CMTM7: variants seen among roughly 807,000 people sequenced by gnomAD.
CMTM7 encodes CKLF like MARVEL transmembrane domain containing 7.
In CMTM7, 7 loss-of-function variants were observed where a neutral mutation model predicts 19.3. The ratio of observed to expected loss-of-function variants is 0.36; its 90% CI spans 0.21 to 0.68. The LOEUF (loss-of-function observed/expected upper bound fraction) is 0.68, where lower values mean the gene tolerates loss of function less well. Among genes scored for constraint, CMTM7 ranks in the 30% least tolerant of loss-of-function variants. The probability of loss-of-function intolerance (pLI) is 0.60; values close to 1 mark genes in which losing one functional copy is unlikely to be tolerated. For missense variants in CMTM7, 193 were observed against 232.6 expected (o/e 0.83, Z 1.11); for synonymous variants, 87 against 99.3 (o/e 0.88, Z 0.74).
At chr3:32,453,112 G>A (rs1272926626) in intron 4 of CMTM7, among the ~76,000 whole-genome samples, 1 of 151,188 alleles carries the variant, frequency 6.6e-6, no homozygotes, top group East Asian at 1.9e-4. Flanking sequence ...TAAAATGTAG[G>A]TTTTTAGAAA....
At chr3:32,439,788 T>C (rs1435413953) in intron 1 of CMTM7, among the ~76,000 whole-genome samples, 1 of 152,210 alleles carries the variant, frequency 6.6e-6, no homozygotes, top group African/African-American at 2.4e-5. Context: ...TAATTCTCAT[T>C]GTAGACTGAC....
At chr3:32,442,498 CAAAAAAAAAAAAAAAAA>C (rs59568281) in intron 2 of CMTM7, among the ~76,000 whole-genome samples, 1 of 80,048 alleles carries the variant, frequency 1.2e-5, no homozygotes, top group African/African-American at 4.9e-5. Flanking sequence ...AGACTCCTCT[CAAAAAAAAAAAAAAAAA>C]AAAAAAAAAA....
intron 1 of CMTM7, among the ~76,000 whole-genome samples, chr3:32,398,255 T>G (rs1164423600): frequency 6.6e-6 from 1 of 152,246 alleles, no homozygotes; most frequent in East Asian, 1.9e-4. Context: ...ATTAACAGGA[T>G]AGACTCTTTC....
Position 32,454,813 on chromosome 3 carries a change from T to C in CMTM7, c.*559T>C. 4.6e-6 allele frequency: 1 copy of C among 217,410 alleles called. No homozygotes were observed. The allele number at this position is 217,410 out of a possible 1,614,324, so 13.5% of individuals were successfully genotyped here. A position where few individuals can be genotyped will look rare whatever the true frequency, so the allele number is the denominator to read the frequency against. ...TACCAGTGTGCATGTGTTTGTGTGT[T>C]TTTTAATAAAATATTGACTCGGCCA... On this transcript the variant is annotated 3_prime_UTR_variant, in exon 5 of 5. Coordinates refer to ENST00000334983, the MANE Select transcript of CMTM7 (RefSeq NM_138410.4).
chr3:32,408,341 A>C (rs1696119016), intron 1 of CMTM7, among the ~76,000 whole-genome samples: 1 of 152,230 alleles, frequency 6.6e-6, no homozygotes. Flanking sequence ...AGATGCTAAA[A>C]ATCTTCAACA....
intron 1 of CMTM7, among the ~76,000 whole-genome samples, chr3:32,406,261 G>A (rs973189608): frequency 2.6e-5 from 4 of 152,228 alleles, no homozygotes; most frequent in Admixed American, 6.5e-5. Flanking sequence ...ACTGACAGCC[G>A]TTTAGGGTAT....
chr3:32,392,131 G>A (rs1477260737), intron 1 of CMTM7, 66 bp downstream of exon 1: 1 of 1,167,974 alleles, frequency 8.6e-7, no homozygotes, highest in Non-Finnish European at 1.1e-6. Flanking sequence ...GGGTCCGGGA[G>A]CGGACGCGCC....
Position 32,410,605 on chromosome 3 carries a change from C to T in CMTM7, c.159+18540C>T, listed in dbSNP as rs528412241. ...GGGCACATATCTTCAAGCCTGCGGG[C>T]CAAGAAGCTGGGAAAAGTCACAGAG... On this transcript the variant is annotated intron_variant, in intron 1 of 4. Transcript: ENST00000334983. 3.3e-5 allele frequency among the ~76,000 whole-genome samples: 5 copies of T among 151,622 alleles called. No homozygotes were observed. In the East Asian group the frequency reaches 7.7e-4, roughly 23 times the overall value.
rs150663414 is a variant in CMTM7 at position 32,431,675 on chromosome 3, T to A, written c.160-10165T>A. 4.3e-3 allele frequency among the ~76,000 whole-genome samples: 657 copies of A among 152,270 alleles called. 2 individuals carry two copies. Among genetic ancestry groups the A allele is most frequent in the Non-Finnish European group, 6.4e-3 (437 of 68,008 alleles). ...TGCAGCCTGCAATGGAGCAGCATAG[T>A]GGTTAGGAACAAGGACTCTGCAGCT... On this transcript the variant is annotated intron_variant, in intron 1 of 4. Transcript: ENST00000334983.
rs13091428 is a variant in CMTM7 at position 32,401,701 on chromosome 3, C to T, written c.159+9636C>T. Among the ~76,000 whole-genome samples the T allele has an allele frequency of 6.8e-3, 1,043 of 152,376 alleles. 9 individuals are homozygous for T. Among genetic ancestry groups the T allele is most frequent in the Middle Eastern group, 0.02 (6 of 294 alleles). On this transcript the variant is annotated intron_variant, in intron 1 of 4. Coordinates refer to ENST00000334983, the MANE Select transcript of CMTM7 (RefSeq NM_138410.4). The stretch of plus-strand genomic sequence containing the variant: ...GTGCGGCCCTGGAAGCCTGGCTCGG[C>T]CGCCGCCCGCGCACGCTGGCCTTCT...
At chr3:32,397,204 T>C (rs2125617483) in intron 1 of CMTM7, among the ~76,000 whole-genome samples, 1 of 152,294 alleles carries the variant, frequency 6.6e-6, no homozygotes, top group East Asian at 1.9e-4. Context: ...CCATTGCAAA[T>C]ACAATGCTTG....
At chr3:32,411,397 C>A (rs1033645524) in intron 1 of CMTM7, among the ~76,000 whole-genome samples, 1 of 151,758 alleles carries the variant, frequency 6.6e-6, no homozygotes, top group Non-Finnish European at 1.5e-5. Context: ...TTAAGATATC[C>A]CTAAAATTTT....
Position 32,454,337 on chromosome 3 carries a change from C to T in CMTM7, c.*83C>T, listed in dbSNP as rs1442876575. ...AGGCGAGGCCTCTGGACCTGTGTTCCTGTGCCAAAGTCCTGTCAGGCTGGT... is the reference window on the plus strand; with the variant it reads ...AGGCGAGGCCTCTGGACCTGTGTTCTTGTGCCAAAGTCCTGTCAGGCTGGT... On this transcript the variant is annotated 3_prime_UTR_variant, in exon 5 of 5. Coordinates refer to ENST00000334983, the MANE Select transcript of CMTM7 (RefSeq NM_138410.4). The T allele has an allele frequency of 6.4e-7, 1 of 1,565,490 alleles. No individual in the cohort carries two copies. Among genetic ancestry groups the T allele is most frequent in the African/African-American group, 1.4e-5 (1 of 73,964 alleles).
intron 1 of CMTM7, among the ~76,000 whole-genome samples, chr3:32,393,463 A>G (rs972178914): frequency 2.0e-5 from 3 of 152,172 alleles, no homozygotes; most frequent in Admixed American, 6.5e-5. Context: ...ATTGGAAGGG[A>G]TGAGTTTGGT....
chr3:32,437,461 G>A (rs552734375), intron 1 of CMTM7, among the ~76,000 whole-genome samples: 13 of 152,206 alleles, frequency 8.5e-5, no homozygotes, highest in African/African-American at 2.4e-4. Context: ...GCCGGCCGTG[G>A]TGGTGCACAC....
At chr3:32,392,507 T>C (rs879840560) in intron 1 of CMTM7, among the ~76,000 whole-genome samples, 1 of 152,218 alleles carries the variant, frequency 6.6e-6, no homozygotes, top group Non-Finnish European at 1.5e-5. Context: ...CACGGCCTCC[T>C]CTTTCCTCCG....
intron 1 of CMTM7, among the ~76,000 whole-genome samples, chr3:32,405,533 A>C (rs1216073752): frequency 6.6e-6 from 1 of 152,170 alleles, no homozygotes; most frequent in Non-Finnish European, 1.5e-5. Context: ...CATCATTACC[A>C]TATCCCTATG....
At chr3:32,410,787 G>A (rs942555764) in intron 1 of CMTM7, among the ~76,000 whole-genome samples, 7 of 152,122 alleles carry the variant, frequency 4.6e-5, no homozygotes, top group South Asian at 4.1e-4. Context: ...GACAGGTTTC[G>A]ACAGACTCAC....
chr3:32,429,061 GA>G lies in CMTM7; in HGVS notation c.160-12777del, dbSNP rs1342562748. ...GCACTTTCATTCAGTTTATCGAAAG[GA>G]ACCAAAAATCGTTGTCTACTCTTGA... On this transcript the variant is annotated intron_variant, in intron 1 of 4. Coordinates refer to ENST00000334983, the MANE Select transcript of CMTM7 (RefSeq NM_138410.4). Among the ~76,000 whole-genome samples, 7 of 152,296 alleles carry G rather than the reference GA, an allele frequency of 4.6e-5. No individual in the cohort carries two copies. The East Asian group carries it at 1.3e-3, about 29-fold the overall frequency.
Sources: gnomAD v4.1 joint callset for allele counts (sites outside exome capture counted in the v4.1 genomes callset) on GRCh38, gnomAD v4.1.1 for gene constraint, MANE v1.5 for transcripts, NCBI Gene and HGNC (gene_info 2026-07-23, HGNC 2026-07-21) for gene names.